The following FHAD1 variants were observed in gnomAD, a reference collection of about 807,000 sequenced individuals.
FHAD1 encodes forkhead associated phosphopeptide binding domain 1, also known as forkhead-associated domain-containing protein 1.
Under a neutral mutation model 191.3 loss-of-function variants are expected in FHAD1, and 146 were observed. That is an observed-to-expected ratio of 0.76 (90% CI 0.67 to 0.88). The LOEUF is 0.88. Ranked by LOEUF, FHAD1 falls within the 40% of genes least tolerant of loss-of-function variation. The pLI is 0.00. For synonymous variants in FHAD1, 616 were observed against 672.3 expected, an observed-to-expected ratio of 0.92 and a Z score of 1.29; for missense variants, 1,635 against 1,785.8, an observed-to-expected ratio of 0.92 and a Z score of 1.52.
intron 11 of FHAD1, chr1:15,326,205 C>T (rs762052313): frequency 2.6e-5 from 4 of 152,190 alleles, no homozygotes; most frequent in Non-Finnish European, 5.9e-5. Context: ...CCTTTTGGTC[C>T]CTTCAAGGCT....
downstream of FHAD1, among the ~76,000 whole-genome samples, chr1:15,402,767 A>T: frequency 6.6e-6 from 1 of 152,156 alleles, no homozygotes. Context: ...CAGACTTTAT[A>T]CCCACAACTG....
chr1:15,263,369 T>C (rs957262117), intron 2 of FHAD1, among the ~76,000 whole-genome samples: 1 of 152,116 alleles, frequency 6.6e-6, no homozygotes, highest in African/African-American at 2.4e-5. Context: ...TGCCAAGAAA[T>C]AACTGTCAAA....
At chr1:15,397,251 T>C (rs1706324053) in intron 33 of FHAD1, 46 bp from the exon 34 acceptor site, 1 of 879,140 alleles carries the variant, frequency 1.1e-6, no homozygotes, top group East Asian at 2.8e-5. Flanking sequence ...ACAATTGGAG[T>C]CTTGCTGCAA....
In FHAD1 at chr1:15,316,357, G is replaced by A. The variant is rs765779153; in HGVS notation, c.1171-21G>A. 6.5e-7 allele frequency: 1 copy of A among 1,550,134 alleles called. No individual in the cohort carries two copies. Among genetic ancestry groups the A allele is most frequent in the Non-Finnish European group, 8.7e-7 (1 of 1,145,894 alleles). On this transcript the variant is annotated intron_variant, in intron 8 of 33. Transcript: ENST00000688493. The surrounding 1 kb of genome is among the most constrained non-coding windows in gnomAD (Gnocchi z 4.3). ...ACCTGGCCAACGTTGGCCTCTTTCTGTGTTGCCCTTTTCTCCACAGTGCTC... is the reference window on the plus strand; with the variant it reads ...ACCTGGCCAACGTTGGCCTCTTTCTATGTTGCCCTTTTCTCCACAGTGCTC...
chr1:15,389,603 T>C (rs972352454), intron 32 of FHAD1, among the ~76,000 whole-genome samples: 1 of 151,986 alleles, frequency 6.6e-6, no homozygotes, highest in Non-Finnish European at 1.5e-5. Context: ...CTCCAGGCCT[T>C]CTAGAGGGCA....
intron 1 of FHAD1, among the ~76,000 whole-genome samples, chr1:15,247,826 C>T (rs1752015): frequency 0.29 from 44,277 of 152,064 alleles, 7,482 homozygotes; most frequent in Non-Finnish European, 0.39. Flanking sequence ...AACCCCTCAA[C>T]AGAAATTTTG....
intron 31 of FHAD1, among the ~76,000 whole-genome samples, chr1:15,385,468 G>A (rs987308742): frequency 6.6e-6 from 1 of 152,116 alleles, no homozygotes; most frequent in African/African-American, 2.4e-5. Flanking sequence ...ATCTCTTCAC[G>A]GAGCAGAACT....
intron 33 of FHAD1, among the ~76,000 whole-genome samples, chr1:15,393,416 ACACACACACACACG>A (rs922569150): frequency 3.1e-5 from 4 of 128,136 alleles, no homozygotes; most frequent in East Asian, 2.1e-4. Flanking sequence ...ATAGATGTGG[ACACACACACACACG>A]CACACACACA....
At chr1:15,401,473 G>C (rs980866746), downstream of FHAD1, among the ~76,000 whole-genome samples, 1 of 152,198 alleles carries the variant, frequency 6.6e-6, no homozygotes, top group African/African-American at 2.4e-5. Flanking sequence ...AAGAAGCTAA[G>C]ACACACAACT....
At chr1:15,287,500 G>A (rs766335424) in intron 3 of FHAD1, among the ~76,000 whole-genome samples, 7 of 152,124 alleles carry the variant, frequency 4.6e-5, no homozygotes, top group Non-Finnish European at 5.9e-5. Context: ...GCAAGGGGGT[G>A]GGGAAAGCCC....
In FHAD1 at chr1:15,369,397, G is replaced by C; in HGVS notation, c.3342G>C (p.Gln1114His). The C allele has an allele frequency of 6.4e-7, 1 of 1,552,038 alleles. No homozygotes were observed. The highest frequency in any genetic ancestry group is 8.7e-7 in the Non-Finnish European group (1 of 1,147,064). ...CTTCCCAAGAGAAACACAGACTCCA[G>C]CTGAACACAGAGAAGGAACAGAAGC... is the stretch of plus-strand genomic sequence containing the variant. ...LRASQEKHRLQLNTEKEQKPR... is the reference protein window; with the variant it reads ...LRASQEKHRLHLNTEKEQKPR... Residue 1114 changes from glutamine to histidine, a missense_variant, in exon 26 of 34, where the codon CAG becomes CAC. By Grantham distance (24) the Gln-to-His change is conservative. Transcript: ENST00000688493.
At chr1:15,256,178 C>A (rs1252240965) in intron 2 of FHAD1, among the ~76,000 whole-genome samples, 1 of 152,224 alleles carries the variant, frequency 6.6e-6, no homozygotes, top group Non-Finnish European at 1.5e-5. Context: ...AAGAAAGGGA[C>A]TTAATTCTTC....
At chr1:15,386,027 A>T (rs1702017817) in intron 31 of FHAD1, among the ~76,000 whole-genome samples, 1 of 152,196 alleles carries the variant, frequency 6.6e-6, no homozygotes. Flanking sequence ...AGTTTCTCCG[A>T]GATAAGAGGC....
chr1:15,351,575 C>T (rs551377975), intron 19 of FHAD1, among the ~76,000 whole-genome samples: 17 of 152,110 alleles, frequency 1.1e-4, no homozygotes, highest in Non-Finnish European at 1.0e-4. Context: ...CAGATAGATG[C>T]TCTCTGGGGG....
At position 15,324,580 on chromosome 1, in the gene FHAD1, C is replaced by G. The variant is rs1255208404; in HGVS notation, c.1473+21C>G. 1.5e-5 allele frequency: 23 copies of G among 1,484,264 alleles called. No individual in the cohort carries two copies. The South Asian group carries it at 2.3e-4, about 15-fold the overall frequency. The allele number at this position is 1,484,264 out of a possible 1,614,324, so 91.9% of individuals were successfully genotyped here. On this transcript the variant is annotated intron_variant, in intron 11 of 33. Coordinates refer to ENST00000688493, the MANE Select transcript of FHAD1 (RefSeq NM_001391957.1). ...GTCAGGTAGGCATGTTCCAGAGCCC[C>G]CCTCATTGGCCCACGCTCTCCAATG... is the stretch of plus-strand genomic sequence containing the variant.
chr1:15,304,476 C>G (rs1338336528), intron 6 of FHAD1, among the ~76,000 whole-genome samples: 1 of 152,180 alleles, frequency 6.6e-6, no homozygotes, highest in Non-Finnish European at 1.5e-5. Context: ...TCAGACAGCA[C>G]TGGAGTCTGG....
chr1:15,358,531 T>C (rs374768468), intron 21 of FHAD1, among the ~76,000 whole-genome samples: 7 of 152,348 alleles, frequency 4.6e-5, no homozygotes, highest in African/African-American at 1.7e-4. Context: ...TCTTCAGACA[T>C]TGCCAAGTGT....
At chr1:15,333,233 G>C (rs182574486) in intron 14 of FHAD1, among the ~76,000 whole-genome samples, 8 of 152,212 alleles carry the variant, frequency 5.3e-5, no homozygotes, top group Non-Finnish European at 8.8e-5. Context: ...AAAAGAAAAG[G>C]GTAAGCTAGC....
intron 8 of FHAD1, 45 bp downstream of exon 8, chr1:15,313,232 GCA>G: frequency 2.0e-6 from 3 of 1,524,924 alleles, no homozygotes; most frequent in South Asian, 2.4e-5. Context: ...CCGGTGAAAA[GCA>G]GCTAAAGTGA....
Sources: allele counts gnomAD v4.1 joint callset (sites outside exome capture counted in the v4.1 genomes callset), GRCh38; gene constraint gnomAD v4.1.1; non-coding constraint Gnocchi (gnomAD v3.1); transcripts MANE v1.5; gene names NCBI Gene and HGNC (gene_info 2026-07-23, HGNC 2026-07-21).